The following C2orf74 variants were observed in gnomAD, a reference collection of about 807,000 sequenced individuals.
C2orf74 encodes DPM1 ER membrane anchor 1.
In C2orf74, 14 loss-of-function variants were observed where a neutral mutation model predicts 17.9. That is an observed-to-expected ratio of 0.78 (90% CI 0.52 to 1.22). C2orf74 has a LOEUF of 1.22. C2orf74 is among the 50% of genes most tolerant of loss of function. C2orf74 has a pLI of 0.00. For missense variants in C2orf74, 217 were observed against 218.4 expected (o/e 0.99, Z 0.04); for synonymous variants, 79 against 72.6 (o/e 1.09, Z -0.44).
intron 1 of C2orf74, among the ~76,000 whole-genome samples, chr2:61,146,604 G>C (rs7561889): frequency 0.021 from 3,259 of 152,300 alleles, 123 homozygotes; most frequent in African/African-American, 0.075. Flanking sequence ...GGGAGGCCGA[G>C]ACGGGCAGAT....
At chr2:61,157,524 A>G (rs1430220882), upstream of C2orf74, among the ~76,000 whole-genome samples, 2 of 152,164 alleles carry the variant, frequency 1.3e-5, no homozygotes, top group East Asian at 3.8e-4. Context: ...CAAAAAGGAA[A>G]GGCATGGACT....
intron 4 of C2orf74, among the ~76,000 whole-genome samples, chr2:61,163,568 C>T (rs866845255): frequency 6.6e-6 from 1 of 151,544 alleles, no homozygotes; most frequent in Admixed American, 6.6e-5. Flanking sequence ...CGCCACTGCA[C>T]TCCAGCCTGG....
In C2orf74 at chr2:61,164,719, AT is replaced by A. The variant is rs1559193760; in HGVS notation, c.*198del. 2 of 425,980 alleles carry A rather than the reference AT, an allele frequency of 4.7e-6. No homozygotes were observed. Among genetic ancestry groups the A allele is most frequent in the East Asian group, 4.0e-5 (1 of 25,116 alleles). 26.4% of individuals were successfully genotyped at this position (425,980 alleles called of 1,614,324 possible). ...GTAAAATACTTAGAGCTTGAATATA[AT>A]TTTTTAAAAATTCAAATCTGAGTTC... On this transcript the variant is annotated 3_prime_UTR_variant, in exon 5 of 5. Coordinates refer to ENST00000432605, the MANE Select transcript of C2orf74 (RefSeq NM_001143959.4).
chr2:61,164,814 T>C lies in C2orf74; in HGVS notation c.*287T>C, dbSNP rs910567339. 3 of 221,242 alleles carry C rather than the reference T, an allele frequency of 1.4e-5. No individual in the cohort carries two copies. The highest frequency in any genetic ancestry group is 2.3e-5 in the African/African-American group (1 of 43,550). 13.7% of individuals were successfully genotyped at this position (221,242 alleles called of 1,614,324 possible). A position where few individuals can be genotyped will look rare whatever the true frequency, so the allele number is the denominator to read the frequency against. On this transcript the variant is annotated 3_prime_UTR_variant, in exon 5 of 5. Transcript: ENST00000432605. ...TGTTCTGGCATGTGAATAAAGTGATTTTTGTTTGTACAAATACCTATTAGG... is the reference window on the plus strand; with the variant it reads ...TGTTCTGGCATGTGAATAAAGTGATCTTTGTTTGTACAAATACCTATTAGG...
At chr2:61,160,262 G>T (rs1685522942), upstream of C2orf74, among the ~76,000 whole-genome samples, 1 of 151,894 alleles carries the variant, frequency 6.6e-6, no homozygotes, top group Non-Finnish European at 1.5e-5. Flanking sequence ...CTGGGTTCAA[G>T]CAATTCTCCT....
upstream of C2orf74, chr2:61,161,632 C>G (rs1162122128): frequency 1.3e-5 from 2 of 152,172 alleles, no homozygotes; most frequent in African/African-American, 4.8e-5. Context: ...ATTTGGTATC[C>G]TAGTACTTTG....
chr2:61,160,937 T>A (rs568086835), upstream of C2orf74, among the ~76,000 whole-genome samples: 2 of 152,380 alleles, frequency 1.3e-5, no homozygotes, highest in East Asian at 3.8e-4. Flanking sequence ...AGAAATGGAA[T>A]TACTGCATCA....
intron 1 of C2orf74, among the ~76,000 whole-genome samples, chr2:61,146,176 C>A (rs1044585155): frequency 7.2e-5 from 11 of 152,178 alleles, no homozygotes; most frequent in African/African-American, 2.4e-4. Context: ...TACATACACA[C>A]AATGGAACAT....
At chr2:61,153,572 G>A (rs976313823) in intron 1 of C2orf74, among the ~76,000 whole-genome samples, 13 of 147,918 alleles carry the variant, frequency 8.8e-5, no homozygotes, top group East Asian at 4.5e-4. Flanking sequence ...GTGAGCCACC[G>A]CGCCTGGCCA....
chr2:61,158,978 TTG>T (rs1211957352), upstream of C2orf74, among the ~76,000 whole-genome samples: 18 of 125,666 alleles, frequency 1.4e-4, no homozygotes, highest in African/African-American at 3.4e-4. Context: ...AAGTTTTTTT[TTG>T]TTGTTTGTTT....
At chr2:61,147,299 A>G (rs1573701638) in intron 1 of C2orf74, among the ~76,000 whole-genome samples, 1 of 151,830 alleles carries the variant, frequency 6.6e-6, no homozygotes, top group Non-Finnish European at 1.5e-5. Flanking sequence ...GCCCAGGCTC[A>G]AGCGATCTGC....
At chr2:61,158,744 A>T (rs761976418), upstream of C2orf74, among the ~76,000 whole-genome samples, 2 of 152,096 alleles carry the variant, frequency 1.3e-5, no homozygotes, top group African/African-American at 2.4e-5. Flanking sequence ...CTGGTGTCTC[A>T]TTGTCTGGAG....
At chr2:61,150,841 A>G (rs1268996897) in intron 1 of C2orf74, among the ~76,000 whole-genome samples, 3 of 152,198 alleles carry the variant, frequency 2.0e-5, no homozygotes, top group Admixed American at 2.0e-4. Flanking sequence ...TCAGGGCTCT[A>G]CTTGGCCTAG....
At chr2:61,158,113 A>G (rs1177309), upstream of C2orf74, 169,514 of 414,102 alleles carry the variant, frequency 0.41, 36,322 homozygotes, top group Middle Eastern at 0.53. Flanking sequence ...CCTTGCTCCA[A>G]AGAGAACCCC....
chr2:61,160,417 C>T (rs979541456), upstream of C2orf74, among the ~76,000 whole-genome samples: 4 of 152,196 alleles, frequency 2.6e-5, no homozygotes, highest in Admixed American at 6.5e-5. Context: ...CTCAGCCTCC[C>T]AAAGTGCTGG....
At chr2:61,154,025 G>C (rs1247254960) in intron 1 of C2orf74, among the ~76,000 whole-genome samples, 1 of 152,108 alleles carries the variant, frequency 6.6e-6, no homozygotes, top group Non-Finnish European at 1.5e-5. Context: ...GATCACTTGA[G>C]GTCAGGAGTT....
At chr2:61,154,107 C>T (rs1273698805) in intron 1 of C2orf74, among the ~76,000 whole-genome samples, 25 of 149,826 alleles carry the variant, frequency 1.7e-4, no homozygotes, top group African/African-American at 5.9e-4. Flanking sequence ...GGCGTGGTGG[C>T]GGATGCCTGT....
intron 1 of C2orf74, among the ~76,000 whole-genome samples, chr2:61,147,975 C>T (rs1406196726): frequency 6.6e-6 from 1 of 151,034 alleles, no homozygotes; most frequent in Non-Finnish European, 1.5e-5. Context: ...TGCCATGTTG[C>T]CCAGGCTGGT....
chr2:61,162,480 G>A lies in C2orf74; in HGVS notation c.-35G>A. 2 of 1,462,516 alleles carry A rather than the reference G, an allele frequency of 1.4e-6. No individual in the cohort carries two copies. The allele number at this position is 1,462,516 out of a possible 1,614,324, so 90.6% of individuals were successfully genotyped here. On this transcript the variant is annotated 5_prime_UTR_variant, in exon 2 of 5. Transcript: ENST00000432605. ...GGAAAAGAATATTTGGACAGTCTGTGATTGTGAGAGTGGATGAGTCTTCTA... is the reference window on the plus strand; with the variant it reads ...GGAAAAGAATATTTGGACAGTCTGTAATTGTGAGAGTGGATGAGTCTTCTA...
Sources: gnomAD v4.1 joint callset for allele counts (sites outside exome capture counted in the v4.1 genomes callset) on GRCh38, gnomAD v4.1.1 for gene constraint, MANE v1.5 for transcripts, NCBI Gene and HGNC (gene_info 2026-07-23, HGNC 2026-07-21) for gene names.